Variants in RABGAP1L observed in about 807,000 individuals in gnomAD.
RABGAP1L encodes the protein rab GTPase-activating protein 1-like.
Under a neutral mutation model 137.7 loss-of-function variants are expected in RABGAP1L, and 63 were observed. The observed-to-expected ratio is 0.46, with a 90% CI of 0.37 to 0.56. The LOEUF (loss-of-function observed/expected upper bound fraction) is 0.56. Ranked by LOEUF, RABGAP1L falls within the 20% of genes least tolerant of loss-of-function variation. The probability of loss-of-function intolerance (pLI) is 0.00; values close to 1 mark genes in which losing one functional copy is unlikely to be tolerated. For synonymous variants in RABGAP1L, 431 were observed against 433.7 expected (o/e 0.99, Z 0.08); for missense variants, 1,095 against 1,244.0 (o/e 0.88, Z 1.80).
intron 19 of RABGAP1L, among the ~76,000 whole-genome samples, chr1:174,813,005 A>C (rs1410575590): frequency 6.6e-6 from 1 of 152,232 alleles, no homozygotes. Flanking sequence ...AGGAATGCTC[A>C]CAAAGAGCCA....
chr1:174,721,694 TA>T (rs766319595), intron 17 of RABGAP1L, among the ~76,000 whole-genome samples: 103 of 152,332 alleles, frequency 6.8e-4, no homozygotes, highest in Non-Finnish European at 1.3e-3. Flanking sequence ...AGTTACCAAA[TA>T]GGGGAATGAA....
chr1:174,724,103 T>C (rs569278155), intron 17 of RABGAP1L, among the ~76,000 whole-genome samples: 4 of 152,344 alleles, frequency 2.6e-5, no homozygotes, highest in African/African-American at 9.6e-5. Flanking sequence ...TAAGAGTAAA[T>C]GGTATACCAC....
intron 18 of RABGAP1L, among the ~76,000 whole-genome samples, chr1:174,762,452 C>T (rs781329780): frequency 2.0e-5 from 3 of 152,222 alleles, no homozygotes; most frequent in South Asian, 4.1e-4. Flanking sequence ...AGCTTTACTA[C>T]GTTAGGAACT....
At chr1:174,684,927 G>A (rs749976521) in intron 15 of RABGAP1L, among the ~76,000 whole-genome samples, 1 of 152,156 alleles carries the variant, frequency 6.6e-6, no homozygotes, top group Non-Finnish European at 1.5e-5. Context: ...GCTGCAGTAA[G>A]CCTTGATTGC....
At chr1:174,688,848 G>C (rs111396449) in intron 15 of RABGAP1L, among the ~76,000 whole-genome samples, 3 of 151,894 alleles carry the variant, frequency 2.0e-5, no homozygotes, top group Non-Finnish European at 4.4e-5. Context: ...ATTACATTTG[G>C]TATGATTCCA....
chr1:174,970,109 T>A (rs879845642), intron 21 of RABGAP1L, among the ~76,000 whole-genome samples: 3 of 152,202 alleles, frequency 2.0e-5, no homozygotes, highest in Non-Finnish European at 4.4e-5. Context: ...AGAATGGTTT[T>A]TTAAAAAGTT....
chr1:174,489,622 G>C (rs12067031), intron 13 of RABGAP1L, among the ~76,000 whole-genome samples: 1 of 152,164 alleles, frequency 6.6e-6, no homozygotes, highest in Non-Finnish European at 1.5e-5. Context: ...ACAGTGTGGC[G>C]ATTCCTCAAG....
chr1:174,291,636 A>G (rs887770559), intron 10 of RABGAP1L, among the ~76,000 whole-genome samples: 1 of 152,170 alleles, frequency 6.6e-6, no homozygotes, highest in Admixed American at 6.5e-5. Context: ...TTTCTTTAGT[A>G]AATATTGGAT....
chr1:174,908,646 A>G (rs1369755247), intron 19 of RABGAP1L, among the ~76,000 whole-genome samples: 1 of 148,692 alleles, frequency 6.7e-6, no homozygotes, highest in East Asian at 2.0e-4. Flanking sequence ...GGGTTCAAGC[A>G]ATTCTCCTGC....
intron 13 of RABGAP1L, among the ~76,000 whole-genome samples, chr1:174,566,254 A>T (rs1667576324): frequency 6.6e-6 from 1 of 152,156 alleles, no homozygotes; most frequent in African/African-American, 2.4e-5. Flanking sequence ...GAGGGGTGGG[A>T]GACGGAGAAA....
chr1:174,203,907 G>T (rs961757327), intron 1 of RABGAP1L, among the ~76,000 whole-genome samples: 2 of 148,588 alleles, frequency 1.3e-5, no homozygotes, highest in African/African-American at 2.5e-5. Flanking sequence ...TGTTGTTGGT[G>T]TATAGGAATG....
chr1:174,842,884 C>A (rs1260979161), intron 19 of RABGAP1L, among the ~76,000 whole-genome samples: 1 of 152,080 alleles, frequency 6.6e-6, no homozygotes, highest in Non-Finnish European at 1.5e-5. Flanking sequence ...TTAAATTTTT[C>A]TATTTCCATG....
In RABGAP1L at chr1:174,767,267, T is replaced by G. The variant is rs577851792; in HGVS notation, c.2211+14913T>G. On this transcript the variant is annotated intron_variant, in intron 18 of 25. Coordinates refer to ENST00000681986, the MANE Select transcript of RABGAP1L (RefSeq NM_001366446.1). ...TCAGCATAAACCTCTTCAAATATTT[T>G]ACAGAGCTTGACTCTTCATCGACAT... Among the ~76,000 whole-genome samples, 37 of 152,360 alleles carry G rather than the reference T, an allele frequency of 2.4e-4. 1 individual carries two copies. In the South Asian group the frequency reaches 7.7e-3, roughly 32 times the overall value.
intron 13 of RABGAP1L, among the ~76,000 whole-genome samples, chr1:174,413,025 G>T (rs942917070): frequency 5.9e-5 from 9 of 152,048 alleles, no homozygotes; most frequent in African/African-American, 2.2e-4. Context: ...GATTAGGGAA[G>T]TTTTCTTGAA....
At chr1:174,934,299 G>A (rs1664357289) in intron 19 of RABGAP1L, among the ~76,000 whole-genome samples, 1 of 152,054 alleles carries the variant, frequency 6.6e-6, no homozygotes, top group Non-Finnish European at 1.5e-5. Context: ...TGTAGGTCAG[G>A]CTGGTCTCGA....
intron 11 of RABGAP1L, among the ~76,000 whole-genome samples, chr1:174,341,390 C>T (rs1359424923): frequency 6.6e-6 from 1 of 152,150 alleles, no homozygotes; most frequent in Non-Finnish European, 1.5e-5. Flanking sequence ...GAGACATTGG[C>T]ACCATGCTGG....
At chr1:174,875,998 G>A (rs1380091707) in intron 19 of RABGAP1L, among the ~76,000 whole-genome samples, 2 of 152,122 alleles carry the variant, frequency 1.3e-5, no homozygotes, top group African/African-American at 4.8e-5. Context: ...CTAGCAATCA[G>A]GTGCTTTTCC....
intron 11 of RABGAP1L, among the ~76,000 whole-genome samples, chr1:174,336,372 G>T (rs780562962): frequency 9.9e-5 from 15 of 152,182 alleles, no homozygotes; most frequent in Non-Finnish European, 1.5e-4. Context: ...TGGTCCTCCT[G>T]CCTTGGCTTT....
chr1:174,855,286 C>G (rs573882768), intron 19 of RABGAP1L, among the ~76,000 whole-genome samples: 1 of 152,158 alleles, frequency 6.6e-6, no homozygotes, highest in Admixed American at 6.5e-5. Flanking sequence ...TAGACCACCA[C>G]TCTGATGGCC....
Sources: gnomAD v4.1 joint callset for allele counts (sites outside exome capture counted in the v4.1 genomes callset) on GRCh38, gnomAD v4.1.1 for gene constraint, MANE v1.5 for transcripts, NCBI Gene and HGNC (gene_info 2026-07-23, HGNC 2026-07-21) for gene names.